ATXN1: variants seen among roughly 807,000 people sequenced by gnomAD.
The protein encoded by ATXN1 is ataxin 1, also known as ataxin-1.
A neutral mutation model predicts 56.4 loss-of-function variants in ATXN1; 8 were observed. The observed-to-expected ratio is 0.14, with a 90% CI of 0.08 to 0.26. The LOEUF (loss-of-function observed/expected upper bound fraction) is 0.26, where lower values mean the gene tolerates loss of function less well. ATXN1 is among the 10% of genes least tolerant of loss of function. The probability of loss-of-function intolerance (pLI) is 1.00; values close to 1 mark genes in which losing one functional copy is unlikely to be tolerated. For synonymous variants in ATXN1, 514 were observed against 494.6 expected, an observed-to-expected ratio of 1.04 and a Z score of -0.52; for missense variants, 987 against 1,106.5, an observed-to-expected ratio of 0.89 and a Z score of 1.53.
At chr6:16,495,924 A>C (rs1760772561) in intron 5 of ATXN1, among the ~76,000 whole-genome samples, 1 of 152,106 alleles carries the variant, frequency 6.6e-6, no homozygotes, top group Non-Finnish European at 1.5e-5. Flanking sequence ...TTCAAAGCTC[A>C]AAAACAACAG....
intron 6 of ATXN1, among the ~76,000 whole-genome samples, chr6:16,472,315 G>A (rs561516953): frequency 3.9e-5 from 6 of 152,130 alleles, no homozygotes; most frequent in Admixed American, 6.6e-5. Context: ...TCATGTGTTT[G>A]TACAGCACAA....
intron 3 of ATXN1, among the ~76,000 whole-genome samples, chr6:16,613,524 CA>C (rs1188448318): frequency 1.3e-5 from 2 of 151,720 alleles, no homozygotes; most frequent in African/African-American, 4.8e-5. Flanking sequence ...ACTGTGTTAA[CA>C]AAATTTTGAA....
chr6:16,625,503 G>A (rs146817731), intron 3 of ATXN1, among the ~76,000 whole-genome samples: 94 of 152,132 alleles, frequency 6.2e-4, no homozygotes, highest in African/African-American at 2.1e-3. Flanking sequence ...GCTTACAATC[G>A]CTTTGGAGAG....
chr6:16,745,772 G>A (rs959087817), intron 2 of ATXN1, among the ~76,000 whole-genome samples: 3 of 152,110 alleles, frequency 2.0e-5, no homozygotes, highest in Non-Finnish European at 4.4e-5. Flanking sequence ...TTAGTGGAGG[G>A]TGCTTAGTCC....
chr6:16,360,809 C>T (rs1761792500), intron 6 of ATXN1, among the ~76,000 whole-genome samples: 1 of 152,146 alleles, frequency 6.6e-6, no homozygotes, highest in Admixed American at 6.5e-5. Context: ...ACACACAAGC[C>T]CACGTCCACA....
At chr6:16,365,095 A>G (rs60852545) in intron 6 of ATXN1, among the ~76,000 whole-genome samples, 7,199 of 152,158 alleles carry the variant, frequency 0.047, 479 homozygotes, top group East Asian at 0.23. Context: ...GTTCTAGGGT[A>G]CATATGCACA....
chr6:16,335,027 G>C (rs1226956587), intron 6 of ATXN1, among the ~76,000 whole-genome samples: 2 of 152,248 alleles, frequency 1.3e-5, no homozygotes, highest in Non-Finnish European at 2.9e-5. Flanking sequence ...GGTCAGGATA[G>C]AAACTCAGGG....
chr6:16,491,483 A>G (rs1432257845), intron 5 of ATXN1, among the ~76,000 whole-genome samples: 1 of 151,412 alleles, frequency 6.6e-6, no homozygotes, highest in African/African-American at 2.4e-5. Flanking sequence ...ACAGGGTTTC[A>G]CCATGTTGGC....
chr6:16,471,394 T>A (rs1412852281), intron 6 of ATXN1, among the ~76,000 whole-genome samples: 1 of 152,238 alleles, frequency 6.6e-6, no homozygotes, highest in African/African-American at 2.4e-5. Flanking sequence ...TAAATGGAGA[T>A]GCCTTAGAGC....
chr6:16,534,786 A>T (rs910736670), intron 4 of ATXN1, among the ~76,000 whole-genome samples: 3 of 152,104 alleles, frequency 2.0e-5, no homozygotes, highest in African/African-American at 7.2e-5. Context: ...TCCCACTTCC[A>T]TGTCTTTGCT....
intron 6 of ATXN1, among the ~76,000 whole-genome samples, chr6:16,375,460 G>A (rs1762124210): frequency 6.6e-6 from 1 of 152,152 alleles, no homozygotes; most frequent in Non-Finnish European, 1.5e-5. Flanking sequence ...CCCAGCGAAT[G>A]TCCTTCTATG....
At chr6:16,703,909 C>T (rs942813917) in intron 2 of ATXN1, among the ~76,000 whole-genome samples, 1 of 152,210 alleles carries the variant, frequency 6.6e-6, no homozygotes, top group Non-Finnish European at 1.5e-5. Flanking sequence ...ATCCCAGCTA[C>T]CCGGGAGCCT....
At chr6:16,418,364 G>A (rs1021575880) in intron 6 of ATXN1, among the ~76,000 whole-genome samples, 3 of 152,122 alleles carry the variant, frequency 2.0e-5, no homozygotes, top group Non-Finnish European at 4.4e-5. Context: ...CACATTAAGC[G>A]ATACTTCTTT....
intron 3 of ATXN1, among the ~76,000 whole-genome samples, chr6:16,612,154 C>T (rs1763120445): frequency 1.3e-5 from 2 of 151,720 alleles, no homozygotes; most frequent in South Asian, 2.1e-4. Flanking sequence ...CCACCGCGCC[C>T]GGCCAGCAGA....
intron 6 of ATXN1, among the ~76,000 whole-genome samples, chr6:16,468,844 C>T (rs937792462): frequency 6.6e-6 from 1 of 151,818 alleles, no homozygotes; most frequent in Non-Finnish European, 1.5e-5. Context: ...CATCACCTTA[C>T]TTTTGAACAG....
intron 2 of ATXN1, chr6:16,739,726 G>C: frequency 2.3e-6 from 1 of 438,884 alleles, no homozygotes. Flanking sequence ...TTGATTCTCA[G>C]GGATGTCGTC....
chr6:16,644,591 C>T (rs1161861164), intron 3 of ATXN1, among the ~76,000 whole-genome samples: 1 of 127,352 alleles, frequency 7.9e-6, no homozygotes, highest in African/African-American at 2.8e-5. Context: ...TGTGTGTATA[C>T]ACACACACTA....
At chr6:16,588,106 T>A (rs1194873154) in intron 3 of ATXN1, among the ~76,000 whole-genome samples, 1 of 152,056 alleles carries the variant, frequency 6.6e-6, no homozygotes, top group Non-Finnish European at 1.5e-5. Context: ...TCAACATCAC[T>A]CTGACGTCTT....
In ATXN1 at chr6:16,300,237, G is replaced by A. The variant is rs1168385237; in HGVS notation, c.*6092C>T. 1 of 152,592 alleles carries A rather than the reference G, an allele frequency of 6.6e-6. No individual in the cohort carries two copies. The highest frequency in any genetic ancestry group is 1.9e-4 in the East Asian group (1 of 5,202). The allele number at this position is 152,592 out of a possible 1,614,324, so 9.5% of individuals were successfully genotyped here. ...AGTCCTTTCAGATAAGAAAAGTTAT[G>A]GAAATTCTTAGAGATTGTTGTTATT... On this transcript the variant is annotated 3_prime_UTR_variant, in exon 8 of 8. Transcript: ENST00000436367.
Sources: gnomAD v4.1 joint callset for allele counts (sites outside exome capture counted in the v4.1 genomes callset) on GRCh38, gnomAD v4.1.1 for gene constraint, MANE v1.5 for transcripts, NCBI Gene and HGNC (gene_info 2026-07-23, HGNC 2026-07-21) for gene names.